Variants in DNAH5 observed in about 807,000 individuals in gnomAD.
DNAH5 encodes the protein axonemal beta dynein heavy chain 5.
Under a neutral mutation model 518.2 loss-of-function variants are expected in DNAH5, and 372 were observed. The observed-to-expected ratio is 0.72, with a 90% CI of 0.66 to 0.78. The LOEUF is 0.78. DNAH5 is among the 30% of genes least tolerant of loss of function. The pLI is 0.00. For missense variants in DNAH5, 5,523 were observed against 5,687.0 expected (o/e 0.97, Z 0.93); for synonymous variants, 2,039 against 2,025.9 (o/e 1.01, Z -0.17).
Position 13,735,819 on chromosome 5 carries a change from T to C in DNAH5, c.11569A>G (p.Arg3857Gly), listed in dbSNP as rs1357540801. Residue 3857 changes from arginine to glycine, a missense_variant and splice_region_variant, in exon 67 of 79, where the codon AGG becomes GGG. Transcript: ENST00000265104. ...TTGGCTTCCCGCGTACAGACGTACCTGGCTAAGGAAAGGTCAAATAAGCCC... is the reference window on the plus strand; with the variant it reads ...TTGGCTTCCCGCGTACAGACGTACCCGGCTAAGGAAAGGTCAAATAAGCCC... The part of the protein sequence containing the change: ...FLGLFDLSLA[R>G]SVKSPITSKR... The C allele has an allele frequency of 2.5e-6, 4 of 1,613,304 alleles. No individual in the cohort carries two copies. The highest frequency in any genetic ancestry group is 4.5e-5 in the East Asian group (2 of 44,874).
chr5:13,717,350 T>G lies in DNAH5; in HGVS notation c.12670A>C (p.Ile4224Leu), dbSNP rs1744440902. Residue 4224 changes from isoleucine (I) to leucine (L), a missense_variant, in exon 73 of 79, where the codon ATC (isoleucine) becomes CTC (leucine). Ile to Leu is a conservative substitution (Grantham distance 5). Around this residue, in one of 3 missense-constraint regions of DNAH5, gnomAD observed 5,121 missense variants for 5,223.3 expected, o/e 0.98. Transcript: ENST00000265104. ...QADFNATVQF[I>L]QNHLDDMDVK... The stretch of plus-strand genomic sequence containing the variant: ...TCCATGTCATCCAAGTGGTTTTGGA[T>G]GAACTGCACAGTGGCATTAAAGTCC... The G allele has an allele frequency of 6.2e-7, 1 of 1,613,932 alleles. No homozygotes were observed. The highest frequency in any genetic ancestry group is 1.1e-5 in the South Asian group (1 of 91,070).
intron 12 of DNAH5, among the ~76,000 whole-genome samples, chr5:13,909,068 A>G (rs1775682875): frequency 6.6e-6 from 1 of 152,234 alleles, no homozygotes; most frequent in Non-Finnish European, 1.5e-5. Context: ...AACCAAAGAC[A>G]GAAGTGAACA....
At chr5:13,781,494 T>G (rs1755131901) in intron 52 of DNAH5, among the ~76,000 whole-genome samples, 1 of 152,130 alleles carries the variant, frequency 6.6e-6, no homozygotes, top group African/African-American at 2.4e-5. Context: ...TGAATTGTAC[T>G]CCCATAATTC....
intron 40 of DNAH5, among the ~76,000 whole-genome samples, chr5:13,821,004 T>C (rs968610970): frequency 6.6e-6 from 1 of 152,114 alleles, no homozygotes; most frequent in East Asian, 1.9e-4. Context: ...TGCTCAACAA[T>C]GTAAGTGTGC....
In DNAH5 at chr5:13,714,543, G is replaced by A. The variant is rs1343345260; in HGVS notation, c.12987C>T (p.Ala4329=). 1.2e-6 allele frequency: 2 copies of A among 1,614,044 alleles called. No homozygotes were observed. The highest frequency in any genetic ancestry group is 2.7e-5 in the African/African-American group (2 of 74,924). ...CTAGGATGGTGTCCAGCACGTCCTT[G>A]GCCAGCTTGCTCTGGTAGGTGATGT... ...NADITYQSKL[A]KDVLDTILGI... The change falls in exon 75 of 79, where the codon GCC becomes GCT. Residue 4329 remains alanine, a synonymous_variant. Coordinates refer to ENST00000265104, the MANE Select transcript of DNAH5 (RefSeq NM_001369.3).
intron 7 of DNAH5, among the ~76,000 whole-genome samples, chr5:13,918,432 T>C (rs1776884033): frequency 6.6e-6 from 1 of 152,208 alleles, no homozygotes; most frequent in African/African-American, 2.4e-5. Context: ...CCCAGATTCC[T>C]GGCCCATAGA....
intron 1 of DNAH5, among the ~76,000 whole-genome samples, chr5:13,940,184 C>A (rs1253036172): frequency 6.6e-6 from 1 of 152,100 alleles, no homozygotes; most frequent in Non-Finnish European, 1.5e-5. Context: ...CCTCACCTCC[C>A]CCGACATTCC....
At chr5:13,976,250 TAC>T (rs1000230008) in intron 1 of DNAH5, among the ~76,000 whole-genome samples, 1 of 152,238 alleles carries the variant, frequency 6.6e-6, no homozygotes, top group African/African-American at 2.4e-5. Context: ...CCCCCTTATC[TAC>T]AGTTTCATTT....
At chr5:13,770,670 A>T in intron 56 of DNAH5, 79 bp downstream of exon 56, 1 of 1,341,548 alleles carries the variant, frequency 7.5e-7, no homozygotes. Context: ...GGTCATTGCA[A>T]AATAGCCACC....
At chr5:13,749,186 A>G (rs1749854881) in intron 65 of DNAH5, among the ~76,000 whole-genome samples, 1 of 152,130 alleles carries the variant, frequency 6.6e-6, no homozygotes, top group Non-Finnish European at 1.5e-5. Flanking sequence ...AAAATAAATA[A>G]AGGTTAGGCG....
intron 30 of DNAH5, among the ~76,000 whole-genome samples, chr5:13,851,767 A>C (rs1766878390): frequency 6.6e-6 from 1 of 152,124 alleles, no homozygotes; most frequent in Non-Finnish European, 1.5e-5. Flanking sequence ...AAAAAGAAAA[A>C]CATGGGAATC....
At chr5:13,834,566 C>T (rs949578201) in intron 35 of DNAH5, among the ~76,000 whole-genome samples, 23 of 152,132 alleles carry the variant, frequency 1.5e-4, no homozygotes, top group African/African-American at 5.6e-4. Context: ...CACATGAAGC[C>T]CACGCACCAA....
At position 13,830,909 on chromosome 5, in the gene DNAH5, A is replaced by G. The variant is rs1763591222; in HGVS notation, c.5883-134T>C. On this transcript the variant is annotated intron_variant, in intron 35 of 78. Transcript: ENST00000265104. Reference sequence around the variant, plus strand: ...GTCCCTACCTAACATTTCGAATACAACATCCTAAAACACACTTATCCTTAT... The same window carrying G: ...GTCCCTACCTAACATTTCGAATACAGCATCCTAAAACACACTTATCCTTAT... 6.4e-6 allele frequency: 5 copies of G among 782,748 alleles called. No individual in the cohort carries two copies. In the Admixed American group the frequency reaches 1.0e-4, roughly 16 times the overall value. 48.5% of individuals were successfully genotyped at this position (782,748 alleles called of 1,614,324 possible). A position where few individuals can be genotyped will look rare whatever the true frequency, so the allele number is the denominator to read the frequency against.
Position 13,882,355 on chromosome 5 carries a change from T to TA in DNAH5, c.3262+372dup, listed in dbSNP as rs749877963. Among the ~76,000 whole-genome samples, 629 of 138,462 alleles carry TA rather than the reference T, an allele frequency of 4.5e-3. 1 individual carries two copies. Among genetic ancestry groups the TA allele is most frequent in the Non-Finnish European group, 4.5e-3 (286 of 63,256 alleles). The allele number at this position is 138,462 out of a possible 152,430, so 90.8% of individuals were successfully genotyped here. ...AAAGCTAGACACATACACTACAATT[T>TA]AAAAAAAAAAAAAAACTACAGGCCA... On this transcript the variant is annotated intron_variant, in intron 21 of 78. Coordinates refer to ENST00000265104, the MANE Select transcript of DNAH5 (RefSeq NM_001369.3).
intron 52 of DNAH5, among the ~76,000 whole-genome samples, chr5:13,781,871 T>C (rs1755196520): frequency 6.6e-6 from 1 of 152,164 alleles, no homozygotes; most frequent in African/African-American, 2.4e-5. Context: ...GCAAAGACAG[T>C]GATACCTAAG....
chr5:13,712,531 A>C (rs1244359096), intron 75 of DNAH5, among the ~76,000 whole-genome samples: 2 of 152,218 alleles, frequency 1.3e-5, no homozygotes, highest in African/African-American at 4.8e-5. Context: ...GAGTGAACAA[A>C]CAACCCACAG....
intron 1 of DNAH5, among the ~76,000 whole-genome samples, chr5:13,978,602 G>T (rs1338687559): frequency 6.6e-6 from 1 of 152,178 alleles, no homozygotes; most frequent in African/African-American, 2.4e-5. Context: ...AATGCCATAT[G>T]TTTACCATGC....
intron 12 of DNAH5, among the ~76,000 whole-genome samples, chr5:13,903,779 A>G (rs1260598757): frequency 6.6e-6 from 1 of 152,102 alleles, no homozygotes; most frequent in Non-Finnish European, 1.5e-5. Context: ...TTCAAGATTG[A>G]GGGCAACTTT....
chr5:13,926,102 A>C (rs1777837911), intron 3 of DNAH5, among the ~76,000 whole-genome samples: 1 of 152,174 alleles, frequency 6.6e-6, no homozygotes. Context: ...AGCTAACAGC[A>C]CCACCATGGA....
Sources: gnomAD v4.1 joint callset for allele counts (sites outside exome capture counted in the v4.1 genomes callset) on GRCh38, gnomAD v4.1.1 for gene constraint, gnomAD v4.1.1 regional missense constraint, MANE v1.5 for transcripts, NCBI Gene and HGNC (gene_info 2026-07-23, HGNC 2026-07-21) for gene names.